SPG11: variants seen among roughly 807,000 people sequenced by gnomAD.
SPG11 encodes spatacsin.
A neutral mutation model predicts 274.0 loss-of-function variants in SPG11; 222 were observed. That is an observed-to-expected ratio of 0.81 (90% CI 0.73 to 0.91). The LOEUF is 0.91. Ranked by LOEUF, SPG11 falls within the 40% of genes least tolerant of loss-of-function variation. The pLI, the probability that SPG11 is intolerant of heterozygous loss-of-function variation, is 0.00. For missense variants in SPG11, 3,114 were observed against 2,872.7 expected, an observed-to-expected ratio of 1.08 and a Z score of -1.92; for synonymous variants, 1,144 against 1,039.7, an observed-to-expected ratio of 1.10 and a Z score of -1.93.
chr15:44,611,955 G>A lies in SPG11; in HGVS notation c.3146-970C>T, dbSNP rs140783264. On this transcript the variant is annotated intron_variant, in intron 17 of 39. Transcript: ENST00000261866. Reference sequence around the variant, plus strand: ...CAAGTAGCCGGGACTACAGGCACCCGCCACCAAGCCGGGCTAATTTTTTTT... The same window carrying A: ...CAAGTAGCCGGGACTACAGGCACCCACCACCAAGCCGGGCTAATTTTTTTT... Among the ~76,000 whole-genome samples, 959 of 151,614 alleles carry A rather than the reference G, an allele frequency of 6.3e-3. 9 individuals carry two copies. Among genetic ancestry groups the A allele is most frequent in the African/African-American group, 0.021 (885 of 41,356 alleles).
intron 34 of SPG11, 83 bp downstream of exon 34, chr15:44,570,442 T>C: frequency 6.3e-7 from 1 of 1,579,912 alleles, no homozygotes; most frequent in South Asian, 1.1e-5. Flanking sequence ...TACGACTACA[T>C]CAGCTCTGGG....
At position 44,562,944 on chromosome 15, in the gene SPG11, T is replaced by G. The variant is rs1485180153; in HGVS notation, c.*177A>C. ...ACAATCATCTAAAATCAATCTATTTTAAATAGGAATTTCCTCCTGAAAAGT... is the reference window on the plus strand; with the variant it reads ...ACAATCATCTAAAATCAATCTATTTGAAATAGGAATTTCCTCCTGAAAAGT... On this transcript the variant is annotated 3_prime_UTR_variant, in exon 40 of 40. Coordinates refer to ENST00000261866, the MANE Select transcript of SPG11 (RefSeq NM_025137.4). 1.3e-5 allele frequency: 8 copies of G among 607,814 alleles called. No homozygotes were observed. The highest frequency in any genetic ancestry group is 2.3e-5 in the Non-Finnish European group (8 of 345,216). 37.7% of individuals were successfully genotyped at this position (607,814 alleles called of 1,614,324 possible).
intron 30 of SPG11, among the ~76,000 whole-genome samples, chr15:44,579,216 C>G (rs1283595084): frequency 6.6e-6 from 1 of 151,340 alleles, no homozygotes; most frequent in East Asian, 2.0e-4. Context: ...CCCCAGATTA[C>G]TCAGCATAAG....
chr15:44,585,327 C>A (rs1326640677), intron 29 of SPG11, among the ~76,000 whole-genome samples: 2 of 151,614 alleles, frequency 1.3e-5, no homozygotes, highest in South Asian at 2.1e-4. Context: ...TGGTGGCTCA[C>A]GCCTGTAATC....
Position 44,573,579 on chromosome 15 carries a change from G to A in SPG11, c.6173C>T (p.Thr2058Ile), listed in dbSNP as rs748559028. ...TVAELVAEEVTRELLTSSQGT... is the reference protein window; with the variant it reads ...TVAELVAEEVIRELLTSSQGT... Reference sequence around the variant, plus strand: ...CTGTGATGAAGTAAGCAGCTCCCGTGTCACCTCTTCTGCCACGAGTTCAGC... The same window carrying A: ...CTGTGATGAAGTAAGCAGCTCCCGTATCACCTCTTCTGCCACGAGTTCAGC... Residue 2058 changes from threonine (T) to isoleucine (I), a missense_variant, in exon 32 of 40, where the codon ACA (threonine) becomes ATA (isoleucine). Thr to Ile is a moderately conservative substitution (Grantham distance 89, BLOSUM62 -1). Transcript: ENST00000261866. The A allele has an allele frequency of 2.5e-6, 4 of 1,614,158 alleles. No homozygotes were observed. The highest frequency in any genetic ancestry group is 2.5e-6 in the Non-Finnish European group (3 of 1,180,036).
At chr15:44,609,295 C>A (rs954396634) in intron 18 of SPG11, among the ~76,000 whole-genome samples, 1 of 151,862 alleles carries the variant, frequency 6.6e-6, no homozygotes, top group African/African-American at 2.4e-5. Flanking sequence ...CCACCCCCGG[C>A]TAATTTTTTT....
chr15:44,620,147 C>T (rs369622164), intron 15 of SPG11, 43 bp downstream of exon 15: 2 of 1,473,096 alleles, frequency 1.4e-6, no homozygotes, highest in Admixed American at 3.3e-5. Context: ...TTGCTCTTCC[C>T]TTGTATTCTT....
Position 44,611,150 on chromosome 15 carries a change from TCA to T in SPG11, c.3146-167_3146-166del, listed in dbSNP as rs2083453121. Among the ~76,000 whole-genome samples the T allele has an allele frequency of 3.4e-5, 3 of 87,288 alleles. 1 individual carries two copies. The highest frequency in any genetic ancestry group is 1.3e-4 in the African/African-American group (3 of 22,868). The allele number at this position is 87,288 out of a possible 152,430, so 57.3% of individuals were successfully genotyped here. ...TAAATTTAAAAGCAATGGGAAAACA[TCA>T]CAGAGGGAAAAAATGAAAGATTTGT... On this transcript the variant is annotated intron_variant, in intron 17 of 39. Coordinates refer to ENST00000261866, the MANE Select transcript of SPG11 (RefSeq NM_025137.4).
At chr15:44,579,270 A>ATCTC (rs2082610500) in intron 30 of SPG11, among the ~76,000 whole-genome samples, 1 of 151,678 alleles carries the variant, frequency 6.6e-6, no homozygotes, top group Admixed American at 6.6e-5. Context: ...CACGCCTGTA[A>ATCTC]TCTCAGCACT....
At chr15:44,571,229 C>T (rs1041033617) in intron 33 of SPG11, among the ~76,000 whole-genome samples, 3 of 152,210 alleles carry the variant, frequency 2.0e-5, no homozygotes, top group Non-Finnish European at 4.4e-5. Flanking sequence ...TTTGCATCTG[C>T]AGGGCCCTCT....
chr15:44,599,471 T>C (rs140149095), intron 21 of SPG11, among the ~76,000 whole-genome samples: 1 of 152,080 alleles, frequency 6.6e-6, no homozygotes, highest in Non-Finnish European at 1.5e-5. Context: ...GGCTAATTTT[T>C]GTATTTTTAG....
chr15:44,653,366 G>A (rs1238358970), intron 4 of SPG11, among the ~76,000 whole-genome samples: 3 of 152,120 alleles, frequency 2.0e-5, no homozygotes, highest in Admixed American at 2.0e-4. Context: ...GTCCCAGGAT[G>A]ATGATGAAAA....
chr15:44,654,165 T>C (rs2084867836), intron 4 of SPG11, among the ~76,000 whole-genome samples: 2 of 152,198 alleles, frequency 1.3e-5, no homozygotes, highest in South Asian at 4.1e-4. Context: ...AGGTATGTCA[T>C]GAATGCATAA....
At chr15:44,573,962 A>G (rs1282952961) in intron 31 of SPG11, 2 of 601,200 alleles carry the variant, frequency 3.3e-6, no homozygotes, top group South Asian at 2.0e-5. Flanking sequence ...TTGTATTCAG[A>G]AAGCATCAGG....
At chr15:44,598,993 T>A (rs767282531) in intron 21 of SPG11, among the ~76,000 whole-genome samples, 157 bp from the exon 22 acceptor site, 2 of 152,198 alleles carry the variant, frequency 1.3e-5, no homozygotes, top group African/African-American at 4.8e-5. Context: ...CCCGTTTAGG[T>A]TCCTGGTAGC....
chr15:44,635,453 A>C (rs2084212175), intron 7 of SPG11, among the ~76,000 whole-genome samples: 1 of 151,868 alleles, frequency 6.6e-6, no homozygotes, highest in Non-Finnish European at 1.5e-5. Flanking sequence ...AAAAAAATTA[A>C]AAAGTAGCTG....
chr15:44,592,305 G>C lies in SPG11; in HGVS notation c.4743+26C>G, dbSNP rs2082921025. 2.8e-6 allele frequency: 4 copies of C among 1,404,998 alleles called. No individual in the cohort carries two copies. The South Asian group carries it at 3.5e-5, about 12-fold the overall frequency. 87.0% of individuals were successfully genotyped at this position (1,404,998 alleles called of 1,614,324 possible). On this transcript the variant is annotated intron_variant, in intron 27 of 39. Coordinates refer to ENST00000261866, the MANE Select transcript of SPG11 (RefSeq NM_025137.4). ...ATGCCAACCAAGTGCAGATCAGTGAGAAAGAGCACCATAATTCCAACTTAC... is the reference window on the plus strand; with the variant it reads ...ATGCCAACCAAGTGCAGATCAGTGACAAAGAGCACCATAATTCCAACTTAC...
intron 15 of SPG11, among the ~76,000 whole-genome samples, chr15:44,619,574 T>A (rs2141022950): frequency 6.6e-6 from 1 of 152,274 alleles, no homozygotes; most frequent in African/African-American, 2.4e-5. Context: ...TACTAAGGTA[T>A]CTCCATCTCA....
chr15:44,596,745 T>C (rs370337879), intron 24 of SPG11, 39 bp downstream of exon 24: 212 of 1,524,194 alleles, frequency 1.4e-4, no homozygotes, highest in Middle Eastern at 3.6e-4. Context: ...GAAGTGTTCC[T>C]ATTTCCTTTT....
Sources: allele counts gnomAD v4.1 joint callset (sites outside exome capture counted in the v4.1 genomes callset), GRCh38; gene constraint gnomAD v4.1.1; transcripts MANE v1.5; gene names NCBI Gene and HGNC (gene_info 2026-07-23, HGNC 2026-07-21).